PCDHA12: variants seen among roughly 807,000 people sequenced by gnomAD.
The protein encoded by PCDHA12 is protocadherin alpha-12.
Under a neutral mutation model 60.0 loss-of-function variants are expected in PCDHA12, and 44 were observed. The ratio of observed to expected loss-of-function variants is 0.73; its 90% CI spans 0.58 to 0.94. PCDHA12 has a LOEUF of 0.94. Ranked by LOEUF, PCDHA12 falls within the 40% of genes least tolerant of loss-of-function variation. The pLI is 0.00. For missense variants in PCDHA12, 1,276 were observed against 1,239.7 expected, an observed-to-expected ratio of 1.03 and a Z score of -0.44; for synonymous variants, 569 against 553.0, an observed-to-expected ratio of 1.03 and a Z score of -0.40.
intron 3 of PCDHA12, among the ~76,000 whole-genome samples, chr5:141,000,500 T>A (rs1440390927): frequency 5.7e-5 from 8 of 140,516 alleles, no homozygotes; most frequent in Non-Finnish European, 1.2e-4. Context: ...AGATCTCGGC[T>A]CACTGCAACC....
chr5:140,943,476 AAAT>A (rs1167849813), intron 1 of PCDHA12, among the ~76,000 whole-genome samples: 3 of 152,134 alleles, frequency 2.0e-5, no homozygotes, highest in Non-Finnish European at 2.9e-5. Context: ...AGATACAGTA[AAAT>A]AATAAATAGA....
intron 1 of PCDHA12, among the ~76,000 whole-genome samples, chr5:140,970,589 C>T (rs74994687): frequency 6.6e-6 from 1 of 152,198 alleles, no homozygotes; most frequent in East Asian, 1.9e-4. Flanking sequence ...CAGAGATATG[C>T]TTTGTGATAC....
At chr5:140,881,330 G>A (rs2153378633) in intron 1 of PCDHA12, 1 of 984,626 alleles carries the variant, frequency 1.0e-6, no homozygotes, top group Non-Finnish European at 1.2e-6. Context: ...ATTTAACCAG[G>A]ACGCCGATTC....
At chr5:140,982,453 C>T (rs1554244194) in intron 2 of PCDHA12, 22 bp from the exon 3 acceptor site, 5 of 1,613,812 alleles carry the variant, frequency 3.1e-6, no homozygotes, top group African/African-American at 1.3e-5. Context: ...TAACCGTTAT[C>T]TGGGTCTGTG....
intron 1 of PCDHA12, among the ~76,000 whole-genome samples, chr5:140,902,174 T>C (rs1191904492): frequency 1.3e-5 from 2 of 151,720 alleles, no homozygotes; most frequent in Non-Finnish European, 2.9e-5. Context: ...AATTTGGATG[T>C]CCTTTATGTC....
chr5:140,884,241 C>G lies in PCDHA12; in HGVS notation c.2367+6402C>G, dbSNP rs782355331. 3.7e-6 allele frequency: 6 copies of G among 1,613,408 alleles called. No homozygotes were observed. The South Asian group carries it at 4.4e-5, about 12-fold the overall frequency. ...CTGGTGAAGGACCACGGTGAGCCCG[C>G]GCTGACGGCCACGGCAACGGTGCTG... On this transcript the variant is annotated intron_variant, in intron 1 of 3. Coordinates refer to ENST00000398631, the MANE Select transcript of PCDHA12 (RefSeq NM_018903.4).
Position 140,876,608 on chromosome 5 carries a change from C to T in PCDHA12, c.1136C>T (p.Ser379Phe), listed in dbSNP as rs1267902187. The change falls in exon 1 of 4, where the codon TCT becomes TTT. Residue 379 changes from serine (S) to phenylalanine (F), a missense_variant. Transcript: ENST00000398631. ...CTGATTAGCGTGTCGGATCGTGACT[C>T]TGGAGCCAATGGACAGGTCATCTGC... ...IALISVSDRD[S>F]GANGQVICSL... is the part of the protein sequence containing the mutation. The T allele has an allele frequency of 5.0e-6, 8 of 1,614,070 alleles. No individual in the cohort carries two copies. The highest frequency in any genetic ancestry group is 5.9e-6 in the Non-Finnish European group (7 of 1,180,040).
At chr5:140,886,123 G>A (rs868933605) in intron 1 of PCDHA12, among the ~76,000 whole-genome samples, 53 of 152,236 alleles carry the variant, frequency 3.5e-4, no homozygotes, top group African/African-American at 1.2e-3. Flanking sequence ...ACATAGTTCC[G>A]TAACAACCAG....
At chr5:140,959,614 G>T (rs1175211325) in intron 1 of PCDHA12, among the ~76,000 whole-genome samples, 1 of 152,024 alleles carries the variant, frequency 6.6e-6, no homozygotes, top group African/African-American at 2.4e-5. Context: ...TTTCTTGCTT[G>T]TGATAGAAAA....
intron 1 of PCDHA12, chr5:140,883,731 C>T (rs1287936712): frequency 6.2e-7 from 1 of 1,613,446 alleles, no homozygotes; most frequent in East Asian, 2.2e-5. Flanking sequence ...CAGGAGAACG[C>T]GCTGGTCTCC....
intron 1 of PCDHA12, chr5:140,968,473 G>T (rs1389339011): frequency 6.2e-7 from 1 of 1,613,980 alleles, no homozygotes; most frequent in African/African-American, 1.3e-5. Context: ...ACGTATATGT[G>T]GTGGACATGA....
At chr5:140,901,405 G>A (rs1366026091) in intron 1 of PCDHA12, among the ~76,000 whole-genome samples, 1 of 152,128 alleles carries the variant, frequency 6.6e-6, no homozygotes, top group Non-Finnish European at 1.5e-5. Flanking sequence ...TGAGAGATAG[G>A]GGTCTAGTTT....
In PCDHA12 at chr5:140,981,033, G is replaced by GA. The variant is rs148859655; in HGVS notation, c.2427-1434dup. ...CACTTGAAGGCTGTTAATATTTGGG[G>GA]AAAAAAAACAGATAATTCTAGAGTG... On this transcript the variant is annotated intron_variant, in intron 2 of 3. Transcript: ENST00000398631. 8.2e-3 allele frequency among the ~76,000 whole-genome samples: 1,241 copies of GA among 151,610 alleles called. 19 individuals are homozygous for GA. Among genetic ancestry groups the GA allele is most frequent in the African/African-American group, 0.027 (1,115 of 41,338 alleles).
At chr5:140,882,013 A>G (rs2058902739) in intron 1 of PCDHA12, 1 of 534,534 alleles carries the variant, frequency 1.9e-6, no homozygotes, top group African/African-American at 1.9e-5. Flanking sequence ...GCAAAAAAAT[A>G]CTACATCAAT....
At chr5:140,902,914 G>A (rs560076660) in intron 1 of PCDHA12, among the ~76,000 whole-genome samples, 14 of 152,306 alleles carry the variant, frequency 9.2e-5, no homozygotes, top group African/African-American at 2.9e-4. Context: ...TGGCTGAGTA[G>A]TATTGCATGG....
At chr5:141,001,885 A>C (rs1462586962) in intron 3 of PCDHA12, among the ~76,000 whole-genome samples, 2 of 152,228 alleles carry the variant, frequency 1.3e-5, no homozygotes, top group African/African-American at 2.4e-5. Context: ...GAAGGAGCAA[A>C]GAAATCGGGG....
chr5:140,939,562 G>C (rs1584985766), intron 1 of PCDHA12, among the ~76,000 whole-genome samples: 1 of 152,158 alleles, frequency 6.6e-6, no homozygotes, highest in Middle Eastern at 3.4e-3. Flanking sequence ...TATTAGTTTG[G>C]TTAATCAAAA....
intron 3 of PCDHA12, among the ~76,000 whole-genome samples, chr5:141,006,484 A>T (rs1028996250): frequency 9.9e-5 from 15 of 152,130 alleles, no homozygotes; most frequent in Non-Finnish European, 7.4e-5. Flanking sequence ...AAGTGCTGGG[A>T]TTACATGTGT....
At chr5:141,001,726 T>G (rs2098034769) in intron 3 of PCDHA12, among the ~76,000 whole-genome samples, 1 of 152,116 alleles carries the variant, frequency 6.6e-6, no homozygotes, top group Admixed American at 6.6e-5. Flanking sequence ...GCTTGAGATA[T>G]TTTACAACCT....
Sources: allele counts gnomAD v4.1 joint callset (sites outside exome capture counted in the v4.1 genomes callset), GRCh38; gene constraint gnomAD v4.1.1; transcripts MANE v1.5; gene names NCBI Gene and HGNC (gene_info 2026-07-23, HGNC 2026-07-21).